F9: variants seen among roughly 807,000 people sequenced by gnomAD.
F9 encodes the protein coagulation factor IX.
A neutral mutation model predicts 34.1 loss-of-function variants in F9; 2 were observed. The ratio of observed to expected loss-of-function variants is 0.06; its 90% confidence interval spans 0.02 to 0.18. F9 has a LOEUF of 0.18. Ranked by LOEUF, F9 falls within the 10% of genes least tolerant of loss-of-function variation. The pLI is 1.00. For missense variants in F9, 216 were observed against 345.1 expected, an observed-to-expected ratio of 0.63 and a Z score of 2.96; for synonymous variants, 137 against 118.8, an observed-to-expected ratio of 1.15 and a Z score of -1.00.
In F9 at chrX:139,562,922, G is replaced by GAC. The variant is rs200802809; in HGVS notation, c.*858_*859dup. ...TAGTGTGTGTGTATGCGTGTGTGTA[G>GAC]ACACACACGCATACACACATATAAT... On this transcript the variant is annotated 3_prime_UTR_variant, in exon 8 of 8. Transcript: ENST00000218099. The GAC allele has an allele frequency of 4.0e-5, 4 of 100,036 alleles. No homozygotes were observed. Among genetic ancestry groups the GAC allele is most frequent in the African/African-American group, 1.4e-4 (4 of 27,782 alleles). The allele number at this position is 100,036 out of a possible 1,213,427, so 8.2% of individuals were successfully genotyped here.
Position 139,547,973 on chromosome X carries a change from G to A in F9, c.392-390G>A, listed in dbSNP as rs751109953. The A allele has an allele frequency of 1.0e-4, 16 of 156,840 alleles. No individual in the cohort carries two copies. In the South Asian group the frequency reaches 2.2e-3, roughly 22 times the overall value. The allele number at this position is 156,840 out of a possible 1,213,427, so 12.9% of individuals were successfully genotyped here. A position where few individuals can be genotyped will look rare whatever the true frequency, so the allele number is the denominator to read the frequency against. ...TTCTGGGGTATTGATAATGTGCTATGTATTGGTCAGTTTAGTGTTTAAACA... is the reference window on the plus strand; with the variant it reads ...TTCTGGGGTATTGATAATGTGCTATATATTGGTCAGTTTAGTGTTTAAACA... On this transcript the variant is annotated intron_variant, in intron 4 of 7. Transcript: ENST00000218099.
At chrX:139,544,509 G>A (rs1255015033) in intron 4 of F9, among the ~76,000 whole-genome samples, 2 of 110,848 alleles carry the variant, frequency 1.8e-5, no homozygotes, top group East Asian at 5.7e-4. Context: ...TATCCGTAAG[G>A]ACTAAGAGCC....
At chrX:139,533,915 C>G (rs956121352) in intron 1 of F9, among the ~76,000 whole-genome samples, 1 of 111,678 alleles carries the variant, frequency 9.0e-6, no homozygotes, top group Non-Finnish European at 1.9e-5. Context: ...TGGAGAGGAA[C>G]AGGAGTTAAT....
chrX:139,559,853 A>G (rs924901089), intron 6 of F9, among the ~76,000 whole-genome samples: 3 of 111,948 alleles, frequency 2.7e-5, no homozygotes, highest in Non-Finnish European at 5.6e-5. Context: ...TCTAGTGTTC[A>G]CACTTCCCAG....
At chrX:139,554,972 AAGGTGT>A (rs2148364444) in intron 6 of F9, among the ~76,000 whole-genome samples, 1 of 111,961 alleles carries the variant, frequency 8.9e-6, no homozygotes, top group Admixed American at 9.4e-5. Context: ...TGTTAAAGAA[AAGGTGT>A]AGGTGAGCTG....
rs186616567 is a variant in F9 at position 139,562,081 on chromosome X, G to T, written c.*10G>T. ...AACAAAGCTCACTTAATGAAAGATG[G>T]ATTTCCAAGGTTAATTCATTGGAAT... On this transcript the variant is annotated 3_prime_UTR_variant, in exon 8 of 8. Transcript: ENST00000218099. The T allele has an allele frequency of 1.7e-6, 2 of 1,200,224 alleles. No individual in the cohort carries two copies. The highest frequency in any genetic ancestry group is 1.1e-6 in the Non-Finnish European group (1 of 885,398).
chrX:139,551,268 C>G lies in F9; in HGVS notation c.723+4C>G. 8.3e-7 allele frequency: 1 copy of G among 1,199,609 alleles called. No individual in the cohort carries two copies. Among genetic ancestry groups the G allele is most frequent in the Non-Finnish European group, 1.1e-6 (1 of 884,559 alleles). On this transcript the variant is annotated splice_donor_region_variant and intron_variant, in intron 6 of 7. Coordinates refer to ENST00000218099, the MANE Select transcript of F9 (RefSeq NM_000133.4). The stretch of plus-strand genomic sequence containing the variant: ...ACCAGGTCAATTCCCTTGGCAGGTA[C>G]TTTATACTGATGGTGTGTCAAAACT...
intron 3 of F9, among the ~76,000 whole-genome samples, chrX:139,539,862 A>C (rs1175149487): frequency 9.0e-6 from 1 of 111,564 alleles, no homozygotes. Context: ...ACTACTTATG[A>C]TAAAGGGATA....
intron 3 of F9, among the ~76,000 whole-genome samples, chrX:139,540,471 A>C (rs1013658852): frequency 7.1e-5 from 8 of 112,240 alleles, no homozygotes; most frequent in Non-Finnish European, 5.6e-5. Flanking sequence ...TGTAAAACAT[A>C]GACTATCTTT....
intron 3 of F9, among the ~76,000 whole-genome samples, chrX:139,539,836 A>T (rs936220209): frequency 1.8e-5 from 2 of 111,400 alleles, no homozygotes; most frequent in Non-Finnish European, 3.8e-5. Context: ...TAAATAAGCA[A>T]ATTTTCCAGG....
chrX:139,537,068 A>C lies in F9; in HGVS notation c.147A>C (p.Ser49=), dbSNP rs1927493537. ...TGAATCGGCCAAAGAGGTATAATTC[A>C]GGTAAATTGGAAGAGTTTGTTCAAG... ...KILNRPKRYN[S]GKLEEFVQGN... The change falls in exon 2 of 8, where the codon TCA becomes TCC. Residue 49 remains serine, a synonymous_variant. Coordinates refer to ENST00000218099, the MANE Select transcript of F9 (RefSeq NM_000133.4). 8.3e-7 allele frequency: 1 copy of C among 1,210,631 alleles called. No individual in the cohort carries two copies. Among genetic ancestry groups the C allele is most frequent in the African/African-American group, 1.7e-5 (1 of 57,899 alleles).
At chrX:139,547,695 G>A (rs1000105370) in intron 4 of F9, 2 of 111,966 alleles carry the variant, frequency 1.8e-5, no homozygotes, top group Admixed American at 9.5e-5. Flanking sequence ...TCCATTAACA[G>A]TAGAATGAAT....
intron 1 of F9, among the ~76,000 whole-genome samples, chrX:139,536,204 T>C (rs764374056): frequency 3.4e-5 from 3 of 88,515 alleles, no homozygotes; most frequent in East Asian, 6.1e-4. Context: ...TATGTATACA[T>C]ATATACACAC....
At chrX:139,548,263 C>T in intron 4 of F9, 100 bp from the exon 5 acceptor site, 1 of 940,997 alleles carries the variant, frequency 1.1e-6, no homozygotes. Context: ...ACATGAATGC[C>T]CCCAATGTAT....
intron 6 of F9, among the ~76,000 whole-genome samples, chrX:139,556,331 C>A (rs1328401745): frequency 8.9e-6 from 1 of 111,767 alleles, no homozygotes; most frequent in African/African-American, 3.3e-5. Flanking sequence ...TAAAGAAAAT[C>A]TTTAAAATGT....
In F9 at chrX:139,550,112, A is replaced by G. The variant is rs1205992695; in HGVS notation, c.521-950A>G. 1.8e-5 allele frequency among the ~76,000 whole-genome samples: 2 copies of G among 112,190 alleles called. 1 individual carries two copies. The highest frequency in any genetic ancestry group is 3.8e-5 in the Non-Finnish European group (2 of 53,282). On this transcript the variant is annotated intron_variant, in intron 5 of 7. Transcript: ENST00000218099. ...AATTGAGAACCACCTCCAACTATTA[A>G]GTGTTATATTTGAATATAGCCTTAG...
rs774673930 is a variant in F9 at position 139,548,312 on chromosome X, TTAGAA to T, written c.392-50_392-46del. On this transcript the variant is annotated intron_variant, in intron 4 of 7. Transcript: ENST00000218099. ...ATGAGTCAGTAGTTCCATGTACTTT[TTAGAA>T]ATGCATGTTAAATGATGCTGTTACT... The T allele has an allele frequency of 1.3e-5, 15 of 1,185,790 alleles. No individual in the cohort carries two copies. The African/African-American group carries it at 2.5e-4, about 20-fold the overall frequency.
At chrX:139,555,450 C>T (rs1927945766) in intron 6 of F9, among the ~76,000 whole-genome samples, 1 of 113,130 alleles carries the variant, frequency 8.8e-6, no homozygotes, top group African/African-American at 3.2e-5. Context: ...ATGGTAGCTT[C>T]CCAGGAGCCC....
intron 1 of F9, among the ~76,000 whole-genome samples, chrX:139,534,534 G>C (rs414473): frequency 8.9e-6 from 1 of 112,057 alleles, no homozygotes; most frequent in Non-Finnish European, 1.9e-5. Flanking sequence ...ATGGATGGTT[G>C]CATCTCTACT....
Sources: allele counts gnomAD v4.1 joint callset (sites outside exome capture counted in the v4.1 genomes callset), GRCh38; gene constraint gnomAD v4.1.1; transcripts MANE v1.5; gene names NCBI Gene and HGNC (gene_info 2026-07-23, HGNC 2026-07-21).